Variants in CMPK1 observed in about 807,000 individuals in gnomAD.
CMPK1 encodes the protein UMP-CMP kinase.
A neutral mutation model predicts 25.7 loss-of-function variants in CMPK1; 10 were observed. The ratio of observed to expected loss-of-function variants is 0.39; its 90% confidence interval spans 0.24 to 0.66. The LOEUF is 0.66. Among genes scored for constraint, CMPK1 ranks in the 30% least tolerant of loss-of-function variants. CMPK1 has a pLI of 0.48. For missense variants in CMPK1, 199 were observed against 280.5 expected, an observed-to-expected ratio of 0.71 and a Z score of 2.08; for synonymous variants, 106 against 101.5, an observed-to-expected ratio of 1.04 and a Z score of -0.27.
At chr1:47,366,719 T>C (rs556506655) in intron 1 of CMPK1, among the ~76,000 whole-genome samples, 4 of 152,184 alleles carry the variant, frequency 2.6e-5, no homozygotes, top group Admixed American at 1.3e-4. Context: ...ACAAACTGTA[T>C]AATAATAATA....
intron 1 of CMPK1, among the ~76,000 whole-genome samples, chr1:47,353,060 T>A (rs1646533925): frequency 6.6e-6 from 1 of 152,218 alleles, no homozygotes; most frequent in Non-Finnish European, 1.5e-5. Flanking sequence ...CAGTGATTGA[T>A]GTTTTTCTAA....
chr1:47,365,646 A>AG (rs1383507963), intron 1 of CMPK1, among the ~76,000 whole-genome samples: 1 of 151,384 alleles, frequency 6.6e-6, no homozygotes, highest in Admixed American at 6.6e-5. Context: ...AAAAAAAAAA[A>AG]AAAAGTGAGA....
In CMPK1 at chr1:47,374,921, C is replaced by G. The variant is rs767082919; in HGVS notation, c.484C>G (p.Arg162Gly). The part of the protein sequence containing the change: ...FDCNNEICIE[R>G]CLERGKSSGR... ...TATCTCTTTTTAGATTTGTATTGAACGATGTCTTGAGAGGGGAAAGAGTAG... is the reference window on the plus strand; with the variant it reads ...TATCTCTTTTTAGATTTGTATTGAAGGATGTCTTGAGAGGGGAAAGAGTAG... Residue 162 changes from arginine (R) to glycine (G), a missense_variant, in exon 4 of 6, where the codon CGA becomes GGA. Coordinates refer to ENST00000371873, the MANE Select transcript of CMPK1 (RefSeq NM_016308.3). 1.2e-6 allele frequency: 2 copies of G among 1,610,252 alleles called. No homozygotes were observed. The highest frequency in any genetic ancestry group is 1.7e-6 in the Non-Finnish European group (2 of 1,177,106).
chr1:47,374,929 TGAGAG>T lies in CMPK1; in HGVS notation c.494_498del (p.Glu165GlyfsTer4). ...TTTAGATTTGTATTGAACGATGTCTTGAGAGGGGAAAGAGTAGTGGTAGGAGTGAT... is the reference window on the plus strand; with the variant it reads ...TTTAGATTTGTATTGAACGATGTCTTGGGAAAGAGTAGTGGTAGGAGTGAT... On this transcript the variant is annotated frameshift_variant, in exon 4 of 6. Coordinates refer to ENST00000371873, the MANE Select transcript of CMPK1 (RefSeq NM_016308.3). LOFTEE classifies it high-confidence loss of function. 1 of 1,612,806 alleles carries T rather than the reference TGAGAG, an allele frequency of 6.2e-7. No individual in the cohort carries two copies. The highest frequency in any genetic ancestry group is 8.5e-7 in the Non-Finnish European group (1 of 1,179,086).
intron 1 of CMPK1, among the ~76,000 whole-genome samples, chr1:47,353,797 A>G (rs1646538230): frequency 6.6e-6 from 1 of 152,088 alleles, no homozygotes; most frequent in Admixed American, 6.6e-5. Context: ...GCTCACTTCA[A>G]CTTCGGTCTC....
At chr1:47,343,604 T>C (rs1006447362) in intron 1 of CMPK1, among the ~76,000 whole-genome samples, 3 of 151,830 alleles carry the variant, frequency 2.0e-5, no homozygotes, top group African/African-American at 4.8e-5. Context: ...TGATATTGGT[T>C]GTTGAGTTGA....
intron 1 of CMPK1, among the ~76,000 whole-genome samples, chr1:47,348,532 C>T (rs1237693923): frequency 1.3e-5 from 2 of 152,246 alleles, no homozygotes; most frequent in East Asian, 3.9e-4. Context: ...GAAAAAGCAC[C>T]AGTTGTTACT....
intron 2 of CMPK1, among the ~76,000 whole-genome samples, chr1:47,369,244 G>T (rs570342617): frequency 2.4e-4 from 36 of 152,158 alleles, no homozygotes; most frequent in African/African-American, 8.2e-4. Context: ...GGGCTCAAGT[G>T]ATCCTCTCAC....
intron 1 of CMPK1, among the ~76,000 whole-genome samples, chr1:47,334,458 G>A (rs1407341399): frequency 6.6e-6 from 1 of 152,238 alleles, no homozygotes; most frequent in Non-Finnish European, 1.5e-5. Flanking sequence ...AGAGGTTAGC[G>A]TGTCGCTGAT....
At chr1:47,369,177 TC>T (rs1646659852) in intron 2 of CMPK1, among the ~76,000 whole-genome samples, 1 of 152,178 alleles carries the variant, frequency 6.6e-6, no homozygotes, top group Admixed American at 6.5e-5. Flanking sequence ...CTAATTTTTT[TC>T]TATTTTTTGT....
In CMPK1 at chr1:47,334,106, G is replaced by A. The variant is rs1316430124; in HGVS notation, c.161G>A (p.Arg54His). 4 of 1,515,774 alleles carry A rather than the reference G, an allele frequency of 2.6e-6. No individual in the cohort carries two copies. Among genetic ancestry groups the A allele is most frequent in the East Asian group, 2.6e-5 (1 of 37,982 alleles). 93.9% of individuals were successfully genotyped at this position (1,515,774 alleles called of 1,614,324 possible). Reference sequence around the variant, plus strand: ...GCCGGCAAGGGGACCCAGTGCGCCCGCATCGTCGAGGTGAGGCCCGGGCAG... The same window carrying A: ...GCCGGCAAGGGGACCCAGTGCGCCCACATCGTCGAGGTGAGGCCCGGGCAG... ...PGAGKGTQCA[R>H]IVEKYGYTHL... The change falls in exon 1 of 6, where the codon CGC becomes CAC. Residue 54 changes from arginine (R) to histidine (H), a missense_variant. By Grantham distance (29) the Arg-to-His change is conservative. Coordinates refer to ENST00000371873, the MANE Select transcript of CMPK1 (RefSeq NM_016308.3).
intron 1 of CMPK1, among the ~76,000 whole-genome samples, chr1:47,363,831 T>C (rs1377159252): frequency 6.6e-6 from 1 of 151,832 alleles, no homozygotes; most frequent in African/African-American, 2.4e-5. Flanking sequence ...TAGTCCCAGC[T>C]CCTCGGGACG....
rs186867099 is a variant in CMPK1, at chr1:47,350,159, G to A, written c.171+16043G>A. ...TCACTGTCTTGCCCGGGATGGTCTC[G>A]AACTACTGGGTTCAAACAGTCTGCC... On this transcript the variant is annotated intron_variant, in intron 1 of 5. Coordinates refer to ENST00000371873, the MANE Select transcript of CMPK1 (RefSeq NM_016308.3). 1.9e-3 allele frequency among the ~76,000 whole-genome samples: 286 copies of A among 151,998 alleles called. 8 individuals carry two copies. Among genetic ancestry groups the A allele is most frequent in the Admixed American group, 0.017 (254 of 15,234 alleles).
chr1:47,363,604 C>T (rs1243198659), intron 1 of CMPK1, among the ~76,000 whole-genome samples: 1 of 151,670 alleles, frequency 6.6e-6, no homozygotes, highest in Non-Finnish European at 1.5e-5. Flanking sequence ...TACCACTGCA[C>T]TCCAGCCTGG....
At chr1:47,344,055 A>G (rs1307463773) in intron 1 of CMPK1, among the ~76,000 whole-genome samples, 1 of 147,754 alleles carries the variant, frequency 6.8e-6, no homozygotes, top group Non-Finnish European at 1.5e-5. Flanking sequence ...GCAACAGAGC[A>G]AGACCATGTC....
intron 1 of CMPK1, among the ~76,000 whole-genome samples, chr1:47,340,970 T>C (rs1011480800): frequency 2.6e-5 from 4 of 152,196 alleles, no homozygotes; most frequent in Non-Finnish European, 5.9e-5. Flanking sequence ...TTACATTATC[T>C]GGTCCACAGG....
At chr1:47,363,729 G>A (rs758589442) in intron 1 of CMPK1, among the ~76,000 whole-genome samples, 2 of 152,058 alleles carry the variant, frequency 1.3e-5, no homozygotes, top group Non-Finnish European at 2.9e-5. Context: ...CGGATCATGA[G>A]ATCAGGAGTT....
At chr1:47,374,587 T>C (rs1646695880) in intron 3 of CMPK1, among the ~76,000 whole-genome samples, 1 of 152,204 alleles carries the variant, frequency 6.6e-6, no homozygotes, top group African/African-American at 2.4e-5. Flanking sequence ...AGGCATGTAA[T>C]TCATACCTAA....
chr1:47,335,498 G>C lies in CMPK1; in HGVS notation c.171+1382G>C, dbSNP rs536110172. 3.8e-4 allele frequency among the ~76,000 whole-genome samples: 57 copies of C among 151,976 alleles called. No homozygotes were observed. The South Asian group carries it at 0.011, about 30-fold the overall frequency. ...CTAAAAATACAAAAATTAGCCTGGC[G>C]TGGTGGCGGGCGCCTGTAATCCCAG... On this transcript the variant is annotated intron_variant, in intron 1 of 5. Transcript: ENST00000371873.
Sources: gnomAD v4.1 joint callset for allele counts (sites outside exome capture counted in the v4.1 genomes callset) on GRCh38, gnomAD v4.1.1 for gene constraint, MANE v1.5 for transcripts, NCBI Gene and HGNC (gene_info 2026-07-23, HGNC 2026-07-21) for gene names.